TRAM1: variants seen among roughly 807,000 people sequenced by gnomAD.
TRAM1 encodes translocation associated membrane protein 1, also known as translocating chain-associated membrane protein 1.
In TRAM1, 17 loss-of-function variants were observed where a neutral mutation model predicts 48.7. The observed-to-expected ratio is 0.35, with a 90% CI of 0.24 to 0.52. The LOEUF (loss-of-function observed/expected upper bound fraction) is 0.52, where lower values mean the gene tolerates loss of function less well. Ranked by LOEUF, TRAM1 falls within the 20% of genes least tolerant of loss-of-function variation. TRAM1 has a pLI of 0.94. For missense variants in TRAM1, 351 were observed against 441.5 expected (o/e 0.79, Z 1.84); for synonymous variants, 182 against 154.0 (o/e 1.18, Z -1.34).
rs186489422 is a variant in TRAM1, at chr8:70,573,271, C to A, written c.*1661G>T. Among the ~76,000 whole-genome samples the A allele has an allele frequency of 6.6e-6, 1 of 152,290 alleles. No individual in the cohort carries two copies. Among genetic ancestry groups the A allele is most frequent in the South Asian group, 2.1e-4 (1 of 4,826 alleles). On this transcript the variant is annotated 3_prime_UTR_variant, in exon 11 of 11. Transcript: ENST00000262213. ...ATTTGGTTATGACCATCTATCCCCC[C>A]AGTAGTCCTCACCAATATTCTGTGG...
Position 70,598,264 on chromosome 8 carries a change from C to G in TRAM1, c.188-9G>C. 1 of 1,596,606 alleles carries G rather than the reference C, an allele frequency of 6.3e-7. No individual in the cohort carries two copies. The highest frequency in any genetic ancestry group is 8.5e-7 in the Non-Finnish European group (1 of 1,171,984). On this transcript the variant is annotated splice_polypyrimidine_tract_variant and intron_variant, in intron 2 of 10. Transcript: ENST00000262213. ...TTCAGTAGCTTGTTCTTCTGAAGAC[C>G]AAAAAGGACACAAATACACAAAAAT...
At chr8:70,594,680 GTAAC>G in intron 5 of TRAM1, 90 bp from the exon 6 acceptor site, 1 of 986,404 alleles carries the variant, frequency 1.0e-6, no homozygotes, top group Non-Finnish European at 1.5e-6. Flanking sequence ...GATATACTAA[GTAAC>G]TACCTTTGTG....
chr8:70,596,426 T>A lies in TRAM1; in HGVS notation c.427-105A>T, dbSNP rs1349929109. On this transcript the variant is annotated intron_variant, in intron 4 of 10. Transcript: ENST00000262213. ...AACATTTACAGGTCCCATACCAGGTTGCAAAGAACCCACTAATGTCAAAAT... is the reference window on the plus strand; with the variant it reads ...AACATTTACAGGTCCCATACCAGGTAGCAAAGAACCCACTAATGTCAAAAT... 4.0e-6 allele frequency: 3 copies of A among 748,408 alleles called. No individual in the cohort carries two copies. In the Admixed American group the frequency reaches 9.7e-5, roughly 24 times the overall value. 46.4% of individuals were successfully genotyped at this position (748,408 alleles called of 1,614,324 possible). A position where few individuals can be genotyped will look rare whatever the true frequency, so the allele number is the denominator to read the frequency against.
chr8:70,588,341 T>C (rs1405105239), intron 6 of TRAM1, among the ~76,000 whole-genome samples: 1 of 152,100 alleles, frequency 6.6e-6, no homozygotes, highest in Non-Finnish European at 1.5e-5. Context: ...ATCCCAGCAC[T>C]TTGGGAGGCT....
chr8:70,576,539 G>A (rs569136438), intron 10 of TRAM1, among the ~76,000 whole-genome samples: 1 of 152,130 alleles, frequency 6.6e-6, no homozygotes, highest in Non-Finnish European at 1.5e-5. Flanking sequence ...AAAGAGAAAC[G>A]ACTAAGAAAC....
Position 70,608,348 on chromosome 8 carries a change from T to TCCC in TRAM1, c.-150_-149insGGG. On this transcript the variant is annotated 5_prime_UTR_variant, in exon 1 of 11. Coordinates refer to ENST00000262213, the MANE Select transcript of TRAM1 (RefSeq NM_014294.6). Reference sequence around the variant, plus strand: ...GCTTCACTTCCCATCCCACAGCCAGTACGCAGCCGCCGGGCCGCCCGGGGG... The same window carrying TCCC: ...GCTTCACTTCCCATCCCACAGCCAGTCCCACGCAGCCGCCGGGCCGCCCGGGGG... The TCCC allele has an allele frequency of 1.0e-6, 1 of 972,256 alleles. No homozygotes were observed. Among genetic ancestry groups the TCCC allele is most frequent in the Non-Finnish European group, 1.4e-6 (1 of 724,804 alleles). The allele number at this position is 972,256 out of a possible 1,614,324, so 60.2% of individuals were successfully genotyped here.
At chr8:70,594,685 T>A in intron 5 of TRAM1, 95 bp from the exon 6 acceptor site, 2 of 916,868 alleles carry the variant, frequency 2.2e-6, no homozygotes, top group South Asian at 2.0e-5. Flanking sequence ...ACTAAGTAAC[T>A]ACCTTTGTGT....
chr8:70,595,278 A>T (rs993418298), intron 5 of TRAM1, among the ~76,000 whole-genome samples: 1 of 151,990 alleles, frequency 6.6e-6, no homozygotes, highest in East Asian at 1.9e-4. Context: ...AGTCTAAAAT[A>T]GAAAACACAA....
chr8:70,579,756 AT>A (rs1817034250), intron 10 of TRAM1, among the ~76,000 whole-genome samples: 1 of 152,216 alleles, frequency 6.6e-6, no homozygotes, highest in Non-Finnish European at 1.5e-5. Context: ...TAATAATGAA[AT>A]ACCGAAAGGT....
At chr8:70,595,601 T>A (rs1817470039) in intron 5 of TRAM1, among the ~76,000 whole-genome samples, 1 of 152,158 alleles carries the variant, frequency 6.6e-6, no homozygotes, top group African/African-American at 2.4e-5. Context: ...ATAGTCTTAG[T>A]GGGTATGGGC....
In TRAM1 at chr8:70,608,247, C is replaced by G. The variant is rs1320476320; in HGVS notation, c.-48G>C. On this transcript the variant is annotated 5_prime_UTR_variant, in exon 1 of 11. Coordinates refer to ENST00000262213, the MANE Select transcript of TRAM1 (RefSeq NM_014294.6). Reference sequence around the variant, plus strand: ...GCAGGTGCTCCGCCCCGGTTCTGCTCTTCCCAGCTGCTCACCGACTCGCCG... The same window carrying G: ...GCAGGTGCTCCGCCCCGGTTCTGCTGTTCCCAGCTGCTCACCGACTCGCCG... 5.8e-6 allele frequency: 9 copies of G among 1,541,330 alleles called. No individual in the cohort carries two copies. The highest frequency in any genetic ancestry group is 7.8e-6 in the Non-Finnish European group (9 of 1,149,804).
chr8:70,583,843 TTCTATTA>T (rs1563381882), intron 8 of TRAM1, 50 bp from the exon 9 acceptor site: 1 of 1,515,258 alleles, frequency 6.6e-7, no homozygotes, highest in Admixed American at 2.4e-5. Flanking sequence ...AAAAACAAGA[TTCTATTA>T]GAAATTAGAT....
Position 70,602,379 on chromosome 8 carries a change from A to G in TRAM1, c.124-2297T>C, listed in dbSNP as rs544203158. Among the ~76,000 whole-genome samples, 34 of 152,342 alleles carry G rather than the reference A, an allele frequency of 2.2e-4. No individual in the cohort carries two copies. In the South Asian group the frequency reaches 6.6e-3, roughly 30 times the overall value. ...GTGTGGGGGCAACAGTGAAGGCAAC[A>G]GGGAAAAGGGAGAAGTTAAACACAC... On this transcript the variant is annotated intron_variant, in intron 1 of 10. Transcript: ENST00000262213.
chr8:70,608,369 G>GC lies in TRAM1; in HGVS notation c.-171_-170insG. ...CCAGTACGCAGCCGCCGGGCCGCCC[G>GC]GGGGAAAAAAAAAAACACAACAGCT... is the stretch of plus-strand genomic sequence containing the variant. On this transcript the variant is annotated 5_prime_UTR_variant, in exon 1 of 11. Transcript: ENST00000262213. 1 of 613,778 alleles carries GC rather than the reference G, an allele frequency of 1.6e-6. No individual in the cohort carries two copies. The highest frequency in any genetic ancestry group is 3.9e-5 in the East Asian group (1 of 25,962). The allele number at this position is 613,778 out of a possible 1,614,324, so 38.0% of individuals were successfully genotyped here. A position where few individuals can be genotyped will look rare whatever the true frequency, so the allele number is the denominator to read the frequency against.
At chr8:70,604,962 T>C (rs1004458375) in intron 1 of TRAM1, among the ~76,000 whole-genome samples, 3 of 152,222 alleles carry the variant, frequency 2.0e-5, no homozygotes, top group Non-Finnish European at 2.9e-5. Flanking sequence ...TGATTTGAAT[T>C]ATGTGGACAG....
At chr8:70,597,755 C>CA in intron 4 of TRAM1, 140 bp downstream of exon 4, 3 of 302,780 alleles carry the variant, frequency 9.9e-6, no homozygotes, top group Non-Finnish European at 1.7e-5. Context: ...AAACAGTAAA[C>CA]ATAGTTTAGA....
At chr8:70,603,303 T>TAC (rs35864770) in intron 1 of TRAM1, among the ~76,000 whole-genome samples, 5,645 of 150,000 alleles carry the variant, frequency 0.038, 173 homozygotes, top group African/African-American at 0.085. Context: ...ATATGTTTTA[T>TAC]ACACACACAC....
At chr8:70,599,214 C>T (rs548026020) in intron 2 of TRAM1, among the ~76,000 whole-genome samples, 52 of 152,260 alleles carry the variant, frequency 3.4e-4, no homozygotes, top group Non-Finnish European at 6.3e-4. Flanking sequence ...GCTACGATCA[C>T]GCCACAGCAC....
At chr8:70,605,033 G>A (rs992425134) in intron 1 of TRAM1, among the ~76,000 whole-genome samples, 2 of 152,156 alleles carry the variant, frequency 1.3e-5, no homozygotes, top group African/African-American at 4.8e-5. Context: ...TTAATGTGAA[G>A]TTCCCTGGAA....
Sources: allele counts gnomAD v4.1 joint callset (sites outside exome capture counted in the v4.1 genomes callset), GRCh38; gene constraint gnomAD v4.1.1; transcripts MANE v1.5; gene names NCBI Gene and HGNC (gene_info 2026-07-23, HGNC 2026-07-21).